SSBP2: variants seen among roughly 807,000 people sequenced by gnomAD.
SSBP2 encodes single stranded DNA binding protein 2.
Under a neutral mutation model 61.8 loss-of-function variants are expected in SSBP2, and 17 were observed. The ratio of observed to expected loss-of-function variants is 0.28; its 90% CI spans 0.19 to 0.41. The LOEUF (loss-of-function observed/expected upper bound fraction) is 0.41. SSBP2 is among the 10% of genes least tolerant of loss of function. The probability of loss-of-function intolerance (pLI) is 1.00; values close to 1 mark genes in which losing one functional copy is unlikely to be tolerated. For synonymous variants in SSBP2, 139 were observed against 141.3 expected (o/e 0.98, Z 0.12); for missense variants, 310 against 458.7 (o/e 0.68, Z 2.96).
At chr5:81,466,691 A>C (rs922805795) in intron 9 of SSBP2, among the ~76,000 whole-genome samples, 5 of 151,964 alleles carry the variant, frequency 3.3e-5, no homozygotes, top group African/African-American at 1.2e-4. Context: ...AATAGACTAA[A>C]AGCTGTTATT....
chr5:81,518,040 A>G (rs554529608), intron 4 of SSBP2, among the ~76,000 whole-genome samples: 5 of 150,788 alleles, frequency 3.3e-5, no homozygotes, highest in African/African-American at 1.2e-4. Flanking sequence ...CTGAATAACA[A>G]TTTATTTACT....
chr5:81,743,983 GCTGTTTT>G (rs1400990589), intron 1 of SSBP2, among the ~76,000 whole-genome samples: 4 of 152,166 alleles, frequency 2.6e-5, no homozygotes, highest in African/African-American at 9.7e-5. Context: ...GATCAATTAA[GCTGTTTT>G]CTGTCTCCTG....
intron 3 of SSBP2, among the ~76,000 whole-genome samples, chr5:81,617,156 G>C (rs1206978034): frequency 2.5e-5 from 1 of 40,798 alleles, no homozygotes; most frequent in Non-Finnish European, 5.1e-5. Flanking sequence ...ATTACTCTGA[G>C]CTACGGGAGG....
chr5:81,722,397 G>T (rs865896711), intron 1 of SSBP2, among the ~76,000 whole-genome samples: 55 of 136,360 alleles, frequency 4.0e-4, no homozygotes, highest in South Asian at 7.0e-4. Flanking sequence ...GTATAATTTT[G>T]TTTTTTTTTT....
chr5:81,643,035 T>A (rs1274028265), intron 2 of SSBP2, among the ~76,000 whole-genome samples: 2 of 152,194 alleles, frequency 1.3e-5, no homozygotes, highest in East Asian at 3.8e-4. Flanking sequence ...GGGGCTGGGA[T>A]TCTGAAAATC....
intron 10 of SSBP2, among the ~76,000 whole-genome samples, chr5:81,458,756 G>A (rs974455089): frequency 2.6e-5 from 4 of 152,162 alleles, no homozygotes; most frequent in African/African-American, 9.7e-5. Flanking sequence ...ATGATCCATG[G>A]TTTTTGGGGA....
At chr5:81,424,315 T>G (rs1320787926) in intron 16 of SSBP2, among the ~76,000 whole-genome samples, 1 of 151,996 alleles carries the variant, frequency 6.6e-6, no homozygotes, top group Non-Finnish European at 1.5e-5. Flanking sequence ...TCCCAGCTAC[T>G]CAGGAGGCTG....
intron 3 of SSBP2, among the ~76,000 whole-genome samples, chr5:81,620,402 G>A (rs1746460513): frequency 6.6e-6 from 1 of 151,410 alleles, no homozygotes; most frequent in Non-Finnish European, 1.5e-5. Context: ...TACAAGGGAT[G>A]TGAAGGACCT....
chr5:81,474,596 T>C lies in SSBP2; in HGVS notation c.433-34A>G, dbSNP rs747945953. 4.8e-6 allele frequency: 7 copies of C among 1,462,320 alleles called. No individual in the cohort carries two copies. In the African/African-American group the frequency reaches 7.2e-5, roughly 15 times the overall value. The allele number at this position is 1,462,320 out of a possible 1,614,324, so 90.6% of individuals were successfully genotyped here. A position where few individuals can be genotyped will look rare whatever the true frequency, so the allele number is the denominator to read the frequency against. ...TTATTAAGAAAAATAAAGAGCAATA[T>C]TGTAAATATTTATAAAATAAGTTTT... On this transcript the variant is annotated intron_variant, in intron 6 of 16. Coordinates refer to ENST00000320672, the MANE Select transcript of SSBP2 (RefSeq NM_012446.5).
intron 1 of SSBP2, among the ~76,000 whole-genome samples, chr5:81,704,780 G>A (rs1369967631): frequency 2.3e-5 from 3 of 130,384 alleles, no homozygotes; most frequent in African/African-American, 9.1e-5. Context: ...TGGGTGACGG[G>A]GAATGATTCC....
chr5:81,699,854 CTTTTT>C (rs3081889), intron 1 of SSBP2, among the ~76,000 whole-genome samples: 8 of 124,852 alleles, frequency 6.4e-5, no homozygotes, highest in Admixed American at 8.5e-5. Flanking sequence ...AAATCAATTT[CTTTTT>C]TTTTTTTTTT....
At chr5:81,740,301 C>A (rs1756925965) in intron 1 of SSBP2, among the ~76,000 whole-genome samples, 2 of 149,864 alleles carry the variant, frequency 1.3e-5, no homozygotes, top group South Asian at 2.1e-4. Context: ...TAAGTTTAAT[C>A]CAGGGTAAAA....
rs1761500863 is a variant in SSBP2, at chr5:81,420,063, C to G, written c.*441G>C. On this transcript the variant is annotated 3_prime_UTR_variant, in exon 17 of 17. Transcript: ENST00000320672. ...GTGATATACACAGCACAAAATAGTT[C>G]AGGGAGGGGGCAGGAGCAACTTGTA... The G allele has an allele frequency of 6.4e-6, 1 of 157,074 alleles. No individual in the cohort carries two copies. Among genetic ancestry groups the G allele is most frequent in the Non-Finnish European group, 1.4e-5 (1 of 71,318 alleles). 9.7% of individuals were successfully genotyped at this position (157,074 alleles called of 1,614,324 possible).
At position 81,415,585 on chromosome 5, in the gene SSBP2, G is replaced by A. The variant is rs759608238; in HGVS notation, c.*4919C>T. On this transcript the variant is annotated 3_prime_UTR_variant, in exon 17 of 17. Transcript: ENST00000320672. Reference sequence around the variant, plus strand: ...GGGATGTGGAACCTGTGGATATGGAGGGCCAACTCTATTGTACAGAAGACA... The same window carrying A: ...GGGATGTGGAACCTGTGGATATGGAAGGCCAACTCTATTGTACAGAAGACA... 9.9e-5 allele frequency: 15 copies of A among 151,914 alleles called. No individual in the cohort carries two copies. The highest frequency in any genetic ancestry group is 1.6e-4 in the Non-Finnish European group (11 of 68,006). 9.4% of individuals were successfully genotyped at this position (151,914 alleles called of 1,614,324 possible).
At chr5:81,471,916 G>A (rs1404497181) in intron 8 of SSBP2, among the ~76,000 whole-genome samples, 1 of 151,514 alleles carries the variant, frequency 6.6e-6, no homozygotes, top group Non-Finnish European at 1.5e-5. Context: ...GTTATATGTT[G>A]GTTAGAAACA....
intron 4 of SSBP2, among the ~76,000 whole-genome samples, chr5:81,515,730 A>G (rs1768966699): frequency 6.6e-6 from 1 of 151,486 alleles, no homozygotes; most frequent in Non-Finnish European, 1.5e-5. Flanking sequence ...GGTATATCAT[A>G]TGCTAGGTTG....
chr5:81,711,069 T>C (rs1754746931), intron 1 of SSBP2, among the ~76,000 whole-genome samples: 1 of 152,006 alleles, frequency 6.6e-6, no homozygotes, highest in Admixed American at 6.6e-5. Context: ...AAATAACAAA[T>C]CTGATTCTTC....
intron 4 of SSBP2, among the ~76,000 whole-genome samples, chr5:81,599,334 C>T (rs994425760): frequency 7.2e-5 from 11 of 152,158 alleles, no homozygotes; most frequent in African/African-American, 2.7e-4. Context: ...TCTATTTTTC[C>T]CCTATTCTTT....
intron 1 of SSBP2, among the ~76,000 whole-genome samples, chr5:81,713,128 G>C (rs1235501655): frequency 6.6e-6 from 1 of 151,924 alleles, no homozygotes; most frequent in African/African-American, 2.4e-5. Context: ...CAAACCTAAG[G>C]AATCTGAATA....
Sources: allele counts gnomAD v4.1 joint callset (sites outside exome capture counted in the v4.1 genomes callset), GRCh38; gene constraint gnomAD v4.1.1; transcripts MANE v1.5; gene names NCBI Gene and HGNC (gene_info 2026-07-23, HGNC 2026-07-21).